Variants in MEGF10 observed in about 807,000 individuals in gnomAD.
MEGF10 encodes multiple EGF like domains 10, also known as multiple epidermal growth factor-like domains protein 10.
MEGF10 carries 86 observed loss-of-function variants against 147.5 expected under a neutral mutation model. The ratio of observed to expected loss-of-function variants is 0.58; its 90% confidence interval spans 0.49 to 0.70. The LOEUF (loss-of-function observed/expected upper bound fraction) is 0.70. Ranked by LOEUF, MEGF10 falls within the 30% of genes least tolerant of loss-of-function variation. The pLI, the probability that MEGF10 is intolerant of heterozygous loss-of-function variation, is 0.00. For synonymous variants in MEGF10, 478 were observed against 525.5 expected (o/e 0.91, Z 1.24); for missense variants, 1,329 against 1,487.3 (o/e 0.89, Z 1.75).
At chr5:127,267,714 G>C in the MEGF10 span, among the ~76,000 whole-genome samples, 3 of 152,132 alleles carry the variant, frequency 2.0e-5, no homozygotes, top group African/African-American at 7.2e-5. Flanking sequence ...TTGCATAGAG[G>C]TGTTTATAGT....
chr5:127,426,579 ACTCT>A lies in MEGF10; in HGVS notation c.1693+3820_1693+3823del, dbSNP rs141529792. Among the ~76,000 whole-genome samples the A allele has an allele frequency of 7.4e-5, 11 of 148,984 alleles. No individual in the cohort carries two copies. The East Asian group carries it at 7.8e-4, about 11-fold the overall frequency. On this transcript the variant is annotated intron_variant, in intron 13 of 24. Coordinates refer to ENST00000503335, the MANE Select transcript of MEGF10 (RefSeq NM_001256545.2). ...CTCTGGACCTCTGGTACACACACAC[ACTCT>A]CTCTCTCTCTCTGCTATAAAATGAG...
At chr5:127,435,586 A>C (rs1453239121) in intron 16 of MEGF10, 97 bp downstream of exon 16, 7 of 1,203,806 alleles carry the variant, frequency 5.8e-6, no homozygotes, top group Non-Finnish European at 7.9e-6. Context: ...TAATCAAGAA[A>C]GAATATATGA....
At chr5:127,286,871 A>C (rs1163650054), upstream of MEGF10, among the ~76,000 whole-genome samples, 1 of 151,902 alleles carries the variant, frequency 6.6e-6, no homozygotes, top group African/African-American at 2.4e-5. Context: ...CAGACCAATA[A>C]TTTTAATGAG....
chr5:127,396,202 C>A (rs1199319830), intron 5 of MEGF10, among the ~76,000 whole-genome samples: 1 of 152,230 alleles, frequency 6.6e-6, no homozygotes, highest in Non-Finnish European at 1.5e-5. Flanking sequence ...CCTTGCAGAA[C>A]CCCTGAGCTC....
At chr5:127,260,674 T>C in the MEGF10 span, among the ~76,000 whole-genome samples, 1,411 of 152,232 alleles carry the variant, frequency 9.3e-3, 15 homozygotes, top group African/African-American at 0.03. Flanking sequence ...ACAAGGAAGA[T>C]GGATATTCTC....
chr5:127,375,075 A>G (rs1231282065), intron 5 of MEGF10, among the ~76,000 whole-genome samples: 1 of 152,194 alleles, frequency 6.6e-6, no homozygotes, highest in African/African-American at 2.4e-5. Context: ...TTCCAGACCT[A>G]GGTGTTCCCT....
rs765100694 is a variant in MEGF10 at position 127,410,620 on chromosome 5, T to G, written c.1130+19T>G. 3 of 1,570,720 alleles carry G rather than the reference T, an allele frequency of 1.9e-6. No homozygotes were observed. The highest frequency in any genetic ancestry group is 4.6e-5 in the East Asian group (2 of 43,666). ...CTCATAGGTGAGTGTCAGCTTCCCC[T>G]GGAAGGACGTGTCCTGTGAAAGTTT... On this transcript the variant is annotated intron_variant, in intron 9 of 24. Coordinates refer to ENST00000503335, the MANE Select transcript of MEGF10 (RefSeq NM_001256545.2).
At position 127,424,528 on chromosome 5, in the gene MEGF10, A is replaced by G. The variant is rs866393862; in HGVS notation, c.1693+1756A>G. 1.1e-5 allele frequency: 16 copies of G among 1,429,500 alleles called. No individual in the cohort carries two copies. In the South Asian group the frequency reaches 2.3e-4, roughly 21 times the overall value. The allele number at this position is 1,429,500 out of a possible 1,614,324, so 88.6% of individuals were successfully genotyped here. A position where few individuals can be genotyped will look rare whatever the true frequency, so the allele number is the denominator to read the frequency against. On this transcript the variant is annotated intron_variant, in intron 13 of 24. Coordinates refer to ENST00000503335, the MANE Select transcript of MEGF10 (RefSeq NM_001256545.2). ...ATGGGATGTCACCAGCAACCTCTTC[A>G]GTAGTGTCTCTCAGCCCCTTGGAAA...
At chr5:127,303,561 TC>T (rs1380238770) in intron 1 of MEGF10, among the ~76,000 whole-genome samples, 1 of 152,116 alleles carries the variant, frequency 6.6e-6, no homozygotes, top group African/African-American at 2.4e-5. Flanking sequence ...CATTATTTAT[TC>T]AGTAAATATT....
chr5:127,317,090 A>G (rs921484290), intron 1 of MEGF10, among the ~76,000 whole-genome samples: 1 of 152,222 alleles, frequency 6.6e-6, no homozygotes, highest in African/African-American at 2.4e-5. Flanking sequence ...GGCTGGACTC[A>G]GATATCTTGA....
intron 1 of MEGF10, among the ~76,000 whole-genome samples, chr5:127,301,029 T>C (rs1425393180): frequency 6.6e-6 from 1 of 152,244 alleles, no homozygotes. Flanking sequence ...TATGGATGTT[T>C]TCCTGAATCT....
At chr5:127,453,441 C>A (rs1009760087) in intron 22 of MEGF10, among the ~76,000 whole-genome samples, 1 of 152,118 alleles carries the variant, frequency 6.6e-6, no homozygotes, top group Non-Finnish European at 1.5e-5. Flanking sequence ...ATGCACTGAG[C>A]GTTAGAGTAA....
chr5:127,267,364 G>T, the MEGF10 span, among the ~76,000 whole-genome samples: 1 of 152,162 alleles, frequency 6.6e-6, no homozygotes, highest in Non-Finnish European at 1.5e-5. Flanking sequence ...GTTCATCAGG[G>T]ATATTGGTGT....
At chr5:127,309,649 C>A (rs1339985250) in intron 1 of MEGF10, among the ~76,000 whole-genome samples, 6 of 152,138 alleles carry the variant, frequency 3.9e-5, no homozygotes, top group Non-Finnish European at 7.4e-5. Flanking sequence ...AAATAATATT[C>A]AGTTGTAGTA....
rs780347484 is a variant in MEGF10, at chr5:127,315,780, A to G, written c.-18-15511A>G. On this transcript the variant is annotated intron_variant, in intron 1 of 24. Transcript: ENST00000503335. ...CAGAGTGAGACCCTGTCTTAAAAAA[A>G]CAAACCAAAACAAAATAACCCTTTT... Among the ~76,000 whole-genome samples the G allele has an allele frequency of 2.0e-4, 30 of 152,184 alleles. 1 individual carries two copies. Among genetic ancestry groups the G allele is most frequent in the Non-Finnish European group, 5.9e-5 (4 of 68,028 alleles).
chr5:127,381,432 A>G (rs775534550), intron 5 of MEGF10, among the ~76,000 whole-genome samples: 38 of 152,270 alleles, frequency 2.5e-4, no homozygotes, highest in Non-Finnish European at 4.1e-4. Context: ...ACATATACAA[A>G]CCATTTTCTG....
chr5:127,391,100 G>GCA (rs1173924866), intron 5 of MEGF10, among the ~76,000 whole-genome samples: 931 of 40,010 alleles, frequency 0.023, 6 homozygotes, highest in East Asian at 0.037. Flanking sequence ...GCGCGCGCGC[G>GCA]CGCACACACA....
the MEGF10 span, among the ~76,000 whole-genome samples, chr5:127,242,273 A>C: frequency 6.6e-6 from 1 of 152,200 alleles, no homozygotes; most frequent in Non-Finnish European, 1.5e-5. Context: ...TAGCACCAGT[A>C]CTAGAAGAAC....
intron 5 of MEGF10, among the ~76,000 whole-genome samples, chr5:127,385,167 ATTAAT>A (rs1229318819): frequency 6.6e-6 from 1 of 152,236 alleles, no homozygotes; most frequent in African/African-American, 2.4e-5. Context: ...TTTCTTCTCT[ATTAAT>A]TTATCTCATA....
Sources: allele counts gnomAD v4.1 joint callset (sites outside exome capture counted in the v4.1 genomes callset), GRCh38; gene constraint gnomAD v4.1.1; transcripts MANE v1.5; gene names NCBI Gene and HGNC (gene_info 2026-07-23, HGNC 2026-07-21).